The following FSTL4 variants were observed in gnomAD, a reference collection of about 807,000 sequenced individuals.
The protein encoded by FSTL4 is follistatin like 4.
Under a neutral mutation model 78.2 loss-of-function variants are expected in FSTL4, and 28 were observed. The ratio of observed to expected loss-of-function variants is 0.36; its 90% CI spans 0.27 to 0.49. FSTL4 has a LOEUF of 0.49. Ranked by LOEUF, FSTL4 falls within the 20% of genes least tolerant of loss-of-function variation. FSTL4 has a pLI of 0.98. For synonymous variants in FSTL4, 422 were observed against 440.5 expected (o/e 0.96, Z 0.53); for missense variants, 922 against 1,084.9 (o/e 0.85, Z 2.11).
At chr5:133,239,642 A>G (rs577557379) in intron 7 of FSTL4, among the ~76,000 whole-genome samples, 4 of 152,150 alleles carry the variant, frequency 2.6e-5, no homozygotes, top group South Asian at 4.2e-4. Flanking sequence ...TAAATACACC[A>G]ATCAGCACTC....
chr5:133,369,961 A>G (rs1580655267), intron 4 of FSTL4, among the ~76,000 whole-genome samples: 1 of 147,186 alleles, frequency 6.8e-6, no homozygotes, highest in East Asian at 2.2e-4. Flanking sequence ...GGCGCTGCTG[A>G]TTTGATCCCT....
chr5:133,724,541 T>C, the FSTL4 span, among the ~76,000 whole-genome samples: 1 of 152,208 alleles, frequency 6.6e-6, no homozygotes, highest in Non-Finnish European at 1.5e-5. Context: ...AGTCACCTTG[T>C]TGACATCACC....
At chr5:133,717,750 AG>A in the FSTL4 span, among the ~76,000 whole-genome samples, 2 of 152,232 alleles carry the variant, frequency 1.3e-5, no homozygotes, top group Non-Finnish European at 2.9e-5. Context: ...TACATCTATC[AG>A]TAGTTCATTC....
At chr5:133,701,779 T>C in the FSTL4 span, among the ~76,000 whole-genome samples, 9 of 152,118 alleles carry the variant, frequency 5.9e-5, no homozygotes, top group African/African-American at 2.2e-4. Context: ...GTTTGCGTGT[T>C]TTCCCCAATA....
At chr5:133,617,350 G>A (rs980941478), upstream of FSTL4, among the ~76,000 whole-genome samples, 3 of 148,988 alleles carry the variant, frequency 2.0e-5, no homozygotes, top group South Asian at 2.2e-4. Flanking sequence ...AAATGATAGC[G>A]AGAAACTGGC....
chr5:133,438,821 G>T (rs541480216), intron 3 of FSTL4, among the ~76,000 whole-genome samples: 18 of 152,346 alleles, frequency 1.2e-4, no homozygotes, highest in African/African-American at 4.3e-4. Context: ...TTTGGGGAAG[G>T]TCTGAGGAGG....
At chr5:133,684,346 C>T in the FSTL4 span, among the ~76,000 whole-genome samples, 52 of 152,266 alleles carry the variant, frequency 3.4e-4, no homozygotes, top group African/African-American at 1.2e-3. Flanking sequence ...GGAGAGCACC[C>T]GTGAGACTCC....
intron 6 of FSTL4, among the ~76,000 whole-genome samples, chr5:133,301,453 G>A (rs1204656184): frequency 2.0e-5 from 3 of 152,122 alleles, no homozygotes; most frequent in Non-Finnish European, 2.9e-5. Flanking sequence ...TCAGCAACTC[G>A]CTAGTGGAGG....
intron 6 of FSTL4, among the ~76,000 whole-genome samples, chr5:133,310,633 A>G (rs1753757203): frequency 6.6e-6 from 1 of 152,232 alleles, no homozygotes; most frequent in South Asian, 2.1e-4. Context: ...AATCTGCTTG[A>G]TGACGGCATC....
chr5:133,797,707 C>T, the FSTL4 span, among the ~76,000 whole-genome samples: 3 of 152,234 alleles, frequency 2.0e-5, no homozygotes, highest in South Asian at 2.1e-4. Context: ...CTCAGTTCTC[C>T]GTAGGAGTCC....
chr5:133,702,130 T>C, the FSTL4 span, among the ~76,000 whole-genome samples: 1 of 152,232 alleles, frequency 6.6e-6, no homozygotes, highest in Non-Finnish European at 1.5e-5. Flanking sequence ...CACACATCAC[T>C]GCAATCTGAT....
upstream of FSTL4, among the ~76,000 whole-genome samples, chr5:133,614,654 A>G (rs1341198571): frequency 6.6e-6 from 1 of 152,174 alleles, no homozygotes; most frequent in African/African-American, 2.4e-5. Flanking sequence ...AATAGGCTAG[A>G]TTTCACACTG....
chr5:133,300,681 G>T (rs1753515178), intron 6 of FSTL4, among the ~76,000 whole-genome samples: 1 of 152,214 alleles, frequency 6.6e-6, no homozygotes. Flanking sequence ...TGAACCTGCT[G>T]CCAAGCATCA....
chr5:133,746,065 T>A, the FSTL4 span, among the ~76,000 whole-genome samples: 1 of 152,188 alleles, frequency 6.6e-6, no homozygotes, highest in African/African-American at 2.4e-5. Flanking sequence ...GCAAAACAAG[T>A]TTTTTAACGC....
At chr5:133,401,043 G>A (rs1051163721) in intron 3 of FSTL4, 57 bp from the exon 4 acceptor site, 9 of 1,588,568 alleles carry the variant, frequency 5.7e-6, no homozygotes, top group South Asian at 4.5e-5. Context: ...GTCTGGGGTC[G>A]AGGGCTTCCT....
chr5:133,290,686 C>T (rs1301437057), intron 6 of FSTL4, among the ~76,000 whole-genome samples: 1 of 152,246 alleles, frequency 6.6e-6, no homozygotes, highest in African/African-American at 2.4e-5. Flanking sequence ...TGGCCTCCAA[C>T]ACAGTCCCCG....
the FSTL4 span, among the ~76,000 whole-genome samples, chr5:133,783,413 C>T: frequency 1.3e-5 from 2 of 152,212 alleles, no homozygotes; most frequent in Admixed American, 1.3e-4. Context: ...TAACACCTTT[C>T]CCTCTCAAAG....
At chr5:133,761,966 C>T in the FSTL4 span, among the ~76,000 whole-genome samples, 1 of 152,118 alleles carries the variant, frequency 6.6e-6, no homozygotes, top group Admixed American at 6.5e-5. Flanking sequence ...TTTGTGGAAA[C>T]ATCTGAGGAT....
At position 133,202,007 on chromosome 5, in the gene FSTL4, G is replaced by GCC; in HGVS notation, c.1751_1752insGG (p.His584GlnfsTer47). 6.2e-7 allele frequency: 1 copy of GCC among 1,612,214 alleles called. No individual in the cohort carries two copies. The highest frequency in any genetic ancestry group is 8.5e-7 in the Non-Finnish European group (1 of 1,178,802). On this transcript the variant is annotated frameshift_variant, in exon 15 of 16. Coordinates refer to ENST00000265342, the MANE Select transcript of FSTL4 (RefSeq NM_015082.2). LOFTEE classifies it high-confidence loss of function. ...CTCCTGCAAAGGGTGTGCGGATGAG[G>GCC]TGCTGGCTCTGGCCGGTGCTGGCTT...
Sources: allele counts gnomAD v4.1 joint callset (sites outside exome capture counted in the v4.1 genomes callset), GRCh38; gene constraint gnomAD v4.1.1; transcripts MANE v1.5; gene names NCBI Gene and HGNC (gene_info 2026-07-23, HGNC 2026-07-21).